MTMR3: variants seen among roughly 807,000 people sequenced by gnomAD.
MTMR3 encodes phosphatidylinositol-3,5-bisphosphate 3-phosphatase MTMR3.
In MTMR3, 32 loss-of-function variants were observed where a neutral mutation model predicts 132.4. That is an observed-to-expected ratio of 0.24 (90% CI 0.18 to 0.32). The LOEUF (loss-of-function observed/expected upper bound fraction) is 0.32. Among genes scored for constraint, MTMR3 ranks in the 10% least tolerant of loss-of-function variants. The pLI is 1.00. For synonymous variants in MTMR3, 556 were observed against 550.3 expected, an observed-to-expected ratio of 1.01 and a Z score of -0.14; for missense variants, 1,216 against 1,489.6, an observed-to-expected ratio of 0.82 and a Z score of 3.02.
intron 3 of MTMR3, among the ~76,000 whole-genome samples, chr22:29,974,836 G>A (rs2066599986): frequency 6.6e-6 from 1 of 152,180 alleles, no homozygotes; most frequent in Non-Finnish European, 1.5e-5. Flanking sequence ...ATGTGATGCT[G>A]AGAAGTTATG....
chr22:29,968,099 G>T (rs1290758760), intron 2 of MTMR3, among the ~76,000 whole-genome samples: 1 of 152,060 alleles, frequency 6.6e-6, no homozygotes, highest in Admixed American at 6.5e-5. Context: ...GTTCTCTTAG[G>T]TATATACCCA....
At chr22:29,940,417 A>C (rs36598) in intron 1 of MTMR3, among the ~76,000 whole-genome samples, 116,150 of 148,412 alleles carry the variant, frequency 0.78, 46,031 homozygotes, top group East Asian at 0.92. Flanking sequence ...CCTTTGCTGA[A>C]TCTTTTCTTG....
chr22:29,971,152 T>G (rs1347453618), intron 3 of MTMR3, 90 bp downstream of exon 3: 3 of 1,338,932 alleles, frequency 2.2e-6, no homozygotes, highest in Non-Finnish European at 3.1e-6. Context: ...TACTTACCCA[T>G]TTTTGTTTTT....
chr22:30,030,622 C>T lies in MTMR3; in HGVS notation c.*4821C>T, dbSNP rs563603470. The T allele has an allele frequency of 1.3e-5, 1 of 77,992 alleles. No homozygotes were observed. The highest frequency in any genetic ancestry group is 2.5e-5 in the Non-Finnish European group (1 of 39,896). The allele number at this position is 77,992 out of a possible 1,614,324, so 4.8% of individuals were successfully genotyped here. A position where few individuals can be genotyped will look rare whatever the true frequency, so the allele number is the denominator to read the frequency against. Reference sequence around the variant, plus strand: ...CTCAGCCTCTTAGGAGAGAGGGGCTCTCAGCGAGGAGGGGGCGGGGGGGGG... The same window carrying T: ...CTCAGCCTCTTAGGAGAGAGGGGCTTTCAGCGAGGAGGGGGCGGGGGGGGG... On this transcript the variant is annotated 3_prime_UTR_variant, in exon 20 of 20. Transcript: ENST00000401950.
intron 12 of MTMR3, 42 bp from the exon 13 acceptor site, chr22:30,012,326 A>G: frequency 1.8e-5 from 29 of 1,585,180 alleles, no homozygotes; most frequent in Non-Finnish European, 2.5e-5. Flanking sequence ...GCAGTAAATC[A>G]TAAAAAAATC....
At chr22:29,960,418 T>C (rs188296991) in intron 2 of MTMR3, among the ~76,000 whole-genome samples, 2 of 152,314 alleles carry the variant, frequency 1.3e-5, no homozygotes, top group African/African-American at 4.8e-5. Flanking sequence ...TAAAGAGATA[T>C]TTGTATGCAA....
Position 30,026,101 on chromosome 22 carries a change from C to T in MTMR3, c.*300C>T, listed in dbSNP as rs548689266. On this transcript the variant is annotated 3_prime_UTR_variant, in exon 20 of 20. Transcript: ENST00000401950. Reference sequence around the variant, plus strand: ...GGGTTGCCAGGCCCACTGTAACTGCCGAGCTGCCTGCTGTCACGTGACACT... The same window carrying T: ...GGGTTGCCAGGCCCACTGTAACTGCTGAGCTGCCTGCTGTCACGTGACACT... 1.4e-3 allele frequency: 443 copies of T among 306,958 alleles called. No homozygotes were observed. Among genetic ancestry groups the T allele is most frequent in the Middle Eastern group, 2.1e-3 (2 of 968 alleles). 19.0% of individuals were successfully genotyped at this position (306,958 alleles called of 1,614,324 possible).
At chr22:29,883,662 G>C (rs537210935) in intron 1 of MTMR3, among the ~76,000 whole-genome samples, 3 of 152,286 alleles carry the variant, frequency 2.0e-5, no homozygotes, top group African/African-American at 7.2e-5. Flanking sequence ...GCGGGGATGG[G>C]CCCGTGCGGC....
chr22:30,022,848 T>G, intron 19 of MTMR3, 151 bp downstream of exon 19: 1 of 652,378 alleles, frequency 1.5e-6, no homozygotes. Flanking sequence ...AATTGGTGTT[T>G]GCAAAACTGC....
chr22:29,892,905 C>T (rs981825561), intron 1 of MTMR3, among the ~76,000 whole-genome samples: 1 of 152,170 alleles, frequency 6.6e-6, no homozygotes, highest in Non-Finnish European at 1.5e-5. Flanking sequence ...TCACATATAT[C>T]TTCTTAGGTC....
chr22:30,001,594 T>C (rs1254489748), intron 8 of MTMR3: 3 of 152,144 alleles, frequency 2.0e-5, no homozygotes, highest in African/African-American at 7.2e-5. Flanking sequence ...TAGGATGTTA[T>C]CACCACCATA....
chr22:29,915,106 A>G (rs2047043004), intron 1 of MTMR3, among the ~76,000 whole-genome samples: 1 of 152,194 alleles, frequency 6.6e-6, no homozygotes, highest in Non-Finnish European at 1.5e-5. Flanking sequence ...GAAAAGACAA[A>G]TATTTGGTTC....
intron 1 of MTMR3, among the ~76,000 whole-genome samples, chr22:29,913,986 G>A (rs1381975822): frequency 5.3e-5 from 8 of 152,050 alleles, no homozygotes; most frequent in Non-Finnish European, 1.0e-4. Context: ...TCTTGAGCTC[G>A]TGATCCGCCC....
intron 2 of MTMR3, among the ~76,000 whole-genome samples, chr22:29,963,213 C>T (rs1258173978): frequency 3.3e-5 from 5 of 152,086 alleles, no homozygotes; most frequent in Non-Finnish European, 7.4e-5. Flanking sequence ...TCCCAAAGTG[C>T]TGGGATTACA....
intron 1 of MTMR3, among the ~76,000 whole-genome samples, chr22:29,918,871 A>G (rs1194019585): frequency 6.6e-6 from 1 of 152,222 alleles, no homozygotes; most frequent in Non-Finnish European, 1.5e-5. Flanking sequence ...ATACAAAGAA[A>G]GGATTGTCTG....
intron 2 of MTMR3, among the ~76,000 whole-genome samples, chr22:29,961,006 T>G (rs947256868): frequency 1.3e-5 from 2 of 152,226 alleles, no homozygotes; most frequent in Non-Finnish European, 2.9e-5. Flanking sequence ...TATAGTTTTT[T>G]GTGTATGTAT....
intron 1 of MTMR3, among the ~76,000 whole-genome samples, chr22:29,950,515 C>T (rs1003178508): frequency 2.2e-4 from 33 of 152,152 alleles, no homozygotes; most frequent in African/African-American, 7.5e-4. Context: ...AGATGCACAC[C>T]ACCATGCCCA....
chr22:29,967,580 C>T (rs1279202572), intron 2 of MTMR3, among the ~76,000 whole-genome samples: 1 of 151,394 alleles, frequency 6.6e-6, no homozygotes, highest in Non-Finnish European at 1.5e-5. Context: ...ATAAAATCCA[C>T]CCTTTTAAAG....
At chr22:29,916,598 C>G (rs2065313211) in intron 1 of MTMR3, among the ~76,000 whole-genome samples, 1 of 152,140 alleles carries the variant, frequency 6.6e-6, no homozygotes, top group South Asian at 2.1e-4. Context: ...ATAGCTGTTT[C>G]ATGTATCTTG....
Sources: allele counts gnomAD v4.1 joint callset (sites outside exome capture counted in the v4.1 genomes callset), GRCh38; gene constraint gnomAD v4.1.1; transcripts MANE v1.5; gene names NCBI Gene and HGNC (gene_info 2026-07-23, HGNC 2026-07-21).